PPP2R2A: variants seen among roughly 807,000 people sequenced by gnomAD.
The protein encoded by PPP2R2A is serine/threonine-protein phosphatase 2A 55 kDa regulatory subunit B alpha isoform.
A neutral mutation model predicts 53.2 loss-of-function variants in PPP2R2A; 9 were observed. The ratio of observed to expected loss-of-function variants is 0.17; its 90% CI spans 0.10 to 0.30. The LOEUF (loss-of-function observed/expected upper bound fraction) is 0.30. Among genes scored for constraint, PPP2R2A ranks in the 10% least tolerant of loss-of-function variants. The pLI is 1.00. For synonymous variants in PPP2R2A, 169 were observed against 174.2 expected (o/e 0.97, Z 0.23); for missense variants, 235 against 534.6 (o/e 0.44, Z 5.53).
chr8:26,343,371 T>C (rs1256649172), intron 3 of PPP2R2A, among the ~76,000 whole-genome samples: 1 of 151,558 alleles, frequency 6.6e-6, no homozygotes, highest in African/African-American at 2.4e-5. Context: ...TGTAGACTTC[T>C]CAGATTTTTT....
chr8:26,363,484 A>C (rs1805220772), intron 7 of PPP2R2A: 1 of 341,412 alleles, frequency 2.9e-6, no homozygotes, highest in African/African-American at 2.1e-5. Flanking sequence ...GTCTGGTTCT[A>C]AATTAGTCAT....
intron 2 of PPP2R2A, among the ~76,000 whole-genome samples, chr8:26,296,188 A>G (rs961225897): frequency 2.6e-5 from 4 of 152,214 alleles, no homozygotes; most frequent in Admixed American, 2.0e-4. Flanking sequence ...GTTTTGCTTC[A>G]AAGTTAATCT....
At chr8:26,330,610 G>C in intron 2 of PPP2R2A, among the ~76,000 whole-genome samples, 1 of 152,132 alleles carries the variant, frequency 6.6e-6, no homozygotes, top group African/African-American at 2.4e-5. Flanking sequence ...GTGAGCCACT[G>C]TGCCTGGGCC....
chr8:26,311,154 G>A (rs1431345203), intron 2 of PPP2R2A, among the ~76,000 whole-genome samples: 1 of 152,112 alleles, frequency 6.6e-6, no homozygotes, highest in African/African-American at 2.4e-5. Flanking sequence ...AATAGTACTT[G>A]TCTTTTTATT....
At chr8:26,336,243 G>T (rs1334766310) in intron 2 of PPP2R2A, among the ~76,000 whole-genome samples, 1 of 151,882 alleles carries the variant, frequency 6.6e-6, no homozygotes, top group African/African-American at 2.4e-5. Flanking sequence ...GGGCAACATG[G>T]CAACACCCTG....
intron 2 of PPP2R2A, among the ~76,000 whole-genome samples, chr8:26,298,048 A>C (rs1205149469): frequency 6.6e-6 from 1 of 152,232 alleles, no homozygotes; most frequent in Non-Finnish European, 1.5e-5. Context: ...AAGTACTATA[A>C]AAGTCAGTAT....
At chr8:26,317,671 C>T (rs1447682905) in intron 2 of PPP2R2A, among the ~76,000 whole-genome samples, 1 of 152,122 alleles carries the variant, frequency 6.6e-6, no homozygotes, top group Non-Finnish European at 1.5e-5. Flanking sequence ...TAAAAGGAGA[C>T]CCAGACAAAT....
chr8:26,330,948 ATTACTAAG>A (rs1394529984), intron 2 of PPP2R2A, among the ~76,000 whole-genome samples: 3 of 152,152 alleles, frequency 2.0e-5, no homozygotes, highest in Non-Finnish European at 2.9e-5. Flanking sequence ...ATTTAGCCTG[ATTACTAAG>A]GTGTGACACT....
rs530735070 is a variant in PPP2R2A at position 26,293,216 on chromosome 8, A to T, written c.8-450A>T. 4.8e-5 allele frequency: 74 copies of T among 1,534,988 alleles called. No individual in the cohort carries two copies. In the African/African-American group the frequency reaches 8.5e-4, roughly 18 times the overall value. On this transcript the variant is annotated intron_variant, in intron 1 of 9. Transcript: ENST00000380737. The stretch of plus-strand genomic sequence containing the variant: ...TGTGTGCACTTTGGTGATAAGGTTC[A>T]TATGAATCATTACTCCTTACCCAGG...
chr8:26,293,632 A>G (rs1269349353), intron 1 of PPP2R2A, 34 bp from the exon 2 acceptor site: 1 of 1,592,708 alleles, frequency 6.3e-7, no homozygotes. Context: ...CATAAGCAGA[A>G]CTCGGTTTTA....
At chr8:26,320,672 G>C (rs955380906) in intron 2 of PPP2R2A, among the ~76,000 whole-genome samples, 1 of 152,146 alleles carries the variant, frequency 6.6e-6, no homozygotes, top group Admixed American at 6.6e-5. Context: ...ACAATTGTAG[G>C]TATATTGTTA....
At chr8:26,366,486 T>C in intron 9 of PPP2R2A, 80 bp downstream of exon 9, 1 of 1,046,192 alleles carries the variant, frequency 9.6e-7, no homozygotes. Flanking sequence ...TAACTTCGTC[T>C]CTAGGGATTC....
rs1282315463 is a variant in PPP2R2A, at chr8:26,362,040, C to CTTAAGATTAGATTAAGATTAATT, written c.638-632_638-610dup. Among the ~76,000 whole-genome samples the CTTAAGATTAGATTAAGATTAATT allele has an allele frequency of 2.9e-5, 4 of 139,642 alleles. No individual in the cohort carries two copies. Among genetic ancestry groups the CTTAAGATTAGATTAAGATTAATT allele is most frequent in the Admixed American group, 7.1e-5 (1 of 14,028 alleles). 91.6% of individuals were successfully genotyped at this position (139,642 alleles called of 152,430 possible). A position where few individuals can be genotyped will look rare whatever the true frequency, so the allele number is the denominator to read the frequency against. On this transcript the variant is annotated intron_variant, in intron 6 of 9. Coordinates refer to ENST00000380737, the MANE Select transcript of PPP2R2A (RefSeq NM_002717.4). This position sits in a 1 kb window ranked among gnomAD's most constrained non-coding sequence, Gnocchi z 4.4. Reference sequence around the variant, plus strand: ...AGATTAAGATTAGATTAAGATTAATCTTAAGATTAGATTAAGATTAATTTT... The same window carrying CTTAAGATTAGATTAAGATTAATT: ...AGATTAAGATTAGATTAAGATTAATCTTAAGATTAGATTAAGATTAATTTTAAGATTAGATTAAGATTAATTTT...
chr8:26,333,245 G>A (rs1451315438), intron 2 of PPP2R2A, among the ~76,000 whole-genome samples: 5 of 152,178 alleles, frequency 3.3e-5, no homozygotes, highest in African/African-American at 9.7e-5. Flanking sequence ...TCATGGGCAT[G>A]GCTAAGTTCC....
chr8:26,300,620 C>T (rs752895514), intron 2 of PPP2R2A, among the ~76,000 whole-genome samples: 61 of 152,114 alleles, frequency 4.0e-4, no homozygotes, highest in Non-Finnish European at 6.9e-4. Flanking sequence ...CTTTGGGAGA[C>T]GGAGGCAGGC....
intron 2 of PPP2R2A, among the ~76,000 whole-genome samples, chr8:26,303,754 A>G (rs1801892497): frequency 6.6e-6 from 1 of 152,212 alleles, no homozygotes; most frequent in Non-Finnish European, 1.5e-5. Flanking sequence ...TGTAATTTAA[A>G]AAAAAACTCC....
At chr8:26,333,718 G>T in intron 2 of PPP2R2A, 1 of 242,872 alleles carries the variant, frequency 4.1e-6, no homozygotes, top group Non-Finnish European at 7.6e-6. Context: ...GGCTGTATGT[G>T]TTCTATTGTG....
intron 2 of PPP2R2A, among the ~76,000 whole-genome samples, chr8:26,335,028 A>G (rs909721655): frequency 6.6e-6 from 1 of 152,128 alleles, no homozygotes; most frequent in South Asian, 2.1e-4. Context: ...GCACACTGGG[A>G]TACACAGCCG....
chr8:26,360,607 C>A lies in PPP2R2A; in HGVS notation c.459+326C>A. ...GGAAATCAAAAAAGTAGATACAGAT[C>A]AAATCTTCTAGTTGTAGCTAAAAAA... is the stretch of plus-strand genomic sequence containing the variant. On this transcript the variant is annotated intron_variant, in intron 5 of 9. Transcript: ENST00000380737. This position sits in a 1 kb window ranked among gnomAD's most constrained non-coding sequence, Gnocchi z 4.5. 3.5e-6 allele frequency: 1 copy of A among 282,856 alleles called. No homozygotes were observed. Among genetic ancestry groups the A allele is most frequent in the East Asian group, 7.1e-5 (1 of 14,016 alleles). 17.5% of individuals were successfully genotyped at this position (282,856 alleles called of 1,614,324 possible).
Sources: gnomAD v4.1 joint callset for allele counts (sites outside exome capture counted in the v4.1 genomes callset) on GRCh38, gnomAD v4.1.1 for gene constraint, Gnocchi (gnomAD v3.1) non-coding constraint, MANE v1.5 for transcripts, NCBI Gene and HGNC (gene_info 2026-07-23, HGNC 2026-07-21) for gene names.